Variants in EIF3J observed in about 807,000 individuals in gnomAD.
EIF3J encodes the protein eukaryotic translation initiation factor 3, subunit 1 (alpha, 35kD).
EIF3J carries 15 observed loss-of-function variants against 39.0 expected under a neutral mutation model. The ratio of observed to expected loss-of-function variants is 0.38; its 90% CI spans 0.26 to 0.59. The LOEUF is 0.59. EIF3J is among the 20% of genes least tolerant of loss of function. The pLI is 0.60. For synonymous variants in EIF3J, 98 were observed against 112.9 expected (o/e 0.87, Z 0.84); for missense variants, 226 against 308.6 (o/e 0.73, Z 2.00).
Position 44,561,693 on chromosome 15 carries a change from T to C in EIF3J, c.*544T>C, listed in dbSNP as rs2082198514. The C allele has an allele frequency of 6.6e-6, 1 of 152,582 alleles. No homozygotes were observed. Among genetic ancestry groups the C allele is most frequent in the African/African-American group, 2.4e-5 (1 of 41,532 alleles). 9.5% of individuals were successfully genotyped at this position (152,582 alleles called of 1,614,324 possible). On this transcript the variant is annotated 3_prime_UTR_variant, in exon 8 of 8. Coordinates refer to ENST00000261868, the MANE Select transcript of EIF3J (RefSeq NM_003758.4). ...ATACTGCGGCTGAAAAGCACTAGTT[T>C]GATATAAAATTAAAATGACCAAAAC... is the stretch of plus-strand genomic sequence containing the variant.
At chr15:44,546,438 A>G (rs1195431880) in intron 2 of EIF3J, among the ~76,000 whole-genome samples, 1 of 152,224 alleles carries the variant, frequency 6.6e-6, no homozygotes, top group Non-Finnish European at 1.5e-5. Flanking sequence ...ATTAAGAACC[A>G]AGGCTTGGTT....
At chr15:44,542,804 C>A (rs1446981553) in intron 2 of EIF3J, among the ~76,000 whole-genome samples, 1 of 152,094 alleles carries the variant, frequency 6.6e-6, no homozygotes, top group Non-Finnish European at 1.5e-5. Flanking sequence ...AGAAGCTAGC[C>A]ATTTTAGGAG....
At chr15:44,560,981 C>G (rs762677120) in intron 7 of EIF3J, 37 bp from the exon 8 acceptor site, 1 of 1,607,824 alleles carries the variant, frequency 6.2e-7, no homozygotes, top group Admixed American at 1.7e-5. Context: ...GCCCATAGCA[C>G]ACTAAGGTTC....
intron 5 of EIF3J, among the ~76,000 whole-genome samples, chr15:44,556,151 C>T (rs1462195147): frequency 6.6e-6 from 1 of 152,064 alleles, no homozygotes; most frequent in African/African-American, 2.4e-5. Context: ...CAGGCATGAG[C>T]CACCATGCAC....
Position 44,560,318 on chromosome 15 carries a change from A to G in EIF3J, c.641A>G (p.Glu214Gly). ...CTTTGCAGTGAAAAACAGAAGCAAGAAAAGGTAAGAGCAAGCTGTGTAGGG... is the reference window on the plus strand; with the variant it reads ...CTTTGCAGTGAAAAACAGAAGCAAGGAAAGGTAAGAGCAAGCTGTGTAGGG... The part of the protein sequence containing the change: ...TVLCSEKQKQ[E>G]KQSKAKKKKK... The change falls in exon 7 of 8, where the codon GAA becomes GGA. Residue 214 changes from glutamate to glycine, a missense_variant. This residue lies in a region of EIF3J where 83 missense variants were observed against 152.6 expected (regional missense o/e 0.54). Coordinates refer to ENST00000261868, the MANE Select transcript of EIF3J (RefSeq NM_003758.4). The G allele has an allele frequency of 6.2e-7, 1 of 1,612,968 alleles. No individual in the cohort carries two copies. Among genetic ancestry groups the G allele is most frequent in the South Asian group, 1.1e-5 (1 of 90,972 alleles).
chr15:44,554,364 G>A (rs1435718593), intron 4 of EIF3J, among the ~76,000 whole-genome samples, 189 bp from the exon 5 acceptor site: 1 of 137,650 alleles, frequency 7.3e-6, no homozygotes, highest in Non-Finnish European at 1.5e-5. Context: ...GTGGCAGAGT[G>A]AGGCTCTGTC....
chr15:44,559,656 G>A (rs2082175003), intron 6 of EIF3J, among the ~76,000 whole-genome samples: 1 of 151,356 alleles, frequency 6.6e-6, no homozygotes, highest in Non-Finnish European at 1.5e-5. Context: ...GCAGTGAGCC[G>A]AGATCGCGTC....
chr15:44,546,808 G>T (rs1042712237), intron 2 of EIF3J, among the ~76,000 whole-genome samples: 1 of 136,998 alleles, frequency 7.3e-6, no homozygotes, highest in Non-Finnish European at 1.6e-5. Flanking sequence ...AAAAAACAGA[G>T]TATAGATCTT....
In EIF3J at chr15:44,554,578, T is replaced by C. The variant is rs760947528; in HGVS notation, c.320T>C (p.Val107Ala). 1.4e-5 allele frequency: 23 copies of C among 1,611,554 alleles called. No homozygotes were observed. Among genetic ancestry groups the C allele is most frequent in the Middle Eastern group, 1.7e-4 (1 of 5,986 alleles). ...KRLEEPEEPK[V>A]LTPEEQLADK... ...TTAGAAGAACCCGAAGAACCTAAAG[T>C]GCTAACACCAGAAGAACAATTAGCA... Residue 107 changes from valine (V) to alanine (A), a missense_variant, in exon 5 of 8, where the codon GTG (valine) becomes GCG (alanine). Physicochemically the swap from Val to Ala is moderately conservative, Grantham distance 64. This residue lies in a region of EIF3J where 143 missense variants were observed against 156.0 expected (regional missense o/e 0.92). Coordinates refer to ENST00000261868, the MANE Select transcript of EIF3J (RefSeq NM_003758.4).
intron 4 of EIF3J, among the ~76,000 whole-genome samples, chr15:44,552,113 G>A (rs1426132742): frequency 2.0e-5 from 3 of 151,990 alleles, no homozygotes; most frequent in Non-Finnish European, 2.9e-5. Flanking sequence ...GAGCCACCGC[G>A]TCTGGCCAGG....
chr15:44,540,362 C>A (rs2082004614), intron 2 of EIF3J, among the ~76,000 whole-genome samples: 1 of 150,402 alleles, frequency 6.6e-6, no homozygotes, highest in Non-Finnish European at 1.5e-5. Context: ...CCTCGGCCTC[C>A]CAGAGTGCTG....
chr15:44,556,832 A>T (rs140867066), intron 5 of EIF3J, among the ~76,000 whole-genome samples: 378 of 151,694 alleles, frequency 2.5e-3, no homozygotes, highest in African/African-American at 8.7e-3. Flanking sequence ...AATTAAAAAA[A>T]TTTTTTTTGT....
At chr15:44,556,750 G>T (rs894929003) in intron 5 of EIF3J, among the ~76,000 whole-genome samples, 2 of 152,188 alleles carry the variant, frequency 1.3e-5, no homozygotes, top group South Asian at 4.1e-4. Flanking sequence ...GACCTCAGGT[G>T]ATCGGCCTGC....
At chr15:44,540,189 G>A (rs1205217667) in intron 2 of EIF3J, among the ~76,000 whole-genome samples, 4 of 144,590 alleles carry the variant, frequency 2.8e-5, no homozygotes, top group Admixed American at 7.0e-5. Context: ...CACCCGCCTC[G>A]GCCTCCCAAA....
At chr15:44,547,039 T>A (rs1000226469) in intron 2 of EIF3J, among the ~76,000 whole-genome samples, 1 of 152,008 alleles carries the variant, frequency 6.6e-6, no homozygotes, top group Non-Finnish European at 1.5e-5. Flanking sequence ...GCCAGGCTGG[T>A]CTCGGAACTC....
Position 44,557,564 on chromosome 15 carries a change from T to C in EIF3J, c.485T>C (p.Leu162Ser). The change falls in exon 6 of 8, where the codon TTA (leucine) becomes TCA (serine). Residue 162 changes from leucine to serine, a missense_variant. This residue lies in a region of EIF3J where 83 missense variants were observed against 152.6 expected (regional missense o/e 0.54). Transcript: ENST00000261868. ...GATGACTTTACAGAGTTTGGAAAGT[T>C]ACTAAAAGATAAAATTACACAATAT... Reference protein sequence around the residue: ...SRDDFTEFGKLLKDKITQYEK... With the variant: ...SRDDFTEFGKSLKDKITQYEK... The C allele has an allele frequency of 6.4e-7, 1 of 1,554,718 alleles. No homozygotes were observed. Among genetic ancestry groups the C allele is most frequent in the Non-Finnish European group, 8.7e-7 (1 of 1,152,702 alleles).
intron 2 of EIF3J, 190 bp from the exon 3 acceptor site, chr15:44,550,686 A>G (rs2082091560): frequency 4.3e-6 from 2 of 466,662 alleles, no homozygotes; most frequent in East Asian, 3.3e-5. Flanking sequence ...TCAAATGGAA[A>G]GACAGTTCTT....
chr15:44,550,824 C>A, intron 2 of EIF3J, 52 bp from the exon 3 acceptor site: 2 of 1,286,662 alleles, frequency 1.6e-6, no homozygotes, highest in South Asian at 2.6e-5. Flanking sequence ...TAATAAAGTT[C>A]ACATAGAAAA....
At position 44,557,290 on chromosome 15, in the gene EIF3J, CTT is replaced by C. The variant is rs1199526380; in HGVS notation, c.410-193_410-192del. Among the ~76,000 whole-genome samples, 4 of 152,072 alleles carry C rather than the reference CTT, an allele frequency of 2.6e-5. No individual in the cohort carries two copies. In the East Asian group the frequency reaches 7.7e-4, roughly 29 times the overall value. ...GAATTAGAGGTTAATAAAGATGTAA[CTT>C]TTTTTCTGATTTAAGTTTGTAACCC... On this transcript the variant is annotated intron_variant, in intron 5 of 7. Transcript: ENST00000261868.
Sources: gnomAD v4.1 joint callset for allele counts (sites outside exome capture counted in the v4.1 genomes callset) on GRCh38, gnomAD v4.1.1 for gene constraint, gnomAD v4.1.1 regional missense constraint, MANE v1.5 for transcripts, NCBI Gene and HGNC (gene_info 2026-07-23, HGNC 2026-07-21) for gene names.